RIMS2: variants seen among roughly 807,000 people sequenced by gnomAD.
RIMS2 encodes the protein regulating synaptic membrane exocytosis protein 2.
RIMS2 carries 59 observed loss-of-function variants against 174.4 expected under a neutral mutation model. The ratio of observed to expected loss-of-function variants is 0.34; its 90% CI spans 0.27 to 0.42. The LOEUF (loss-of-function observed/expected upper bound fraction) is 0.42. Among genes scored for constraint, RIMS2 ranks in the 10% least tolerant of loss-of-function variants. The probability of loss-of-function intolerance (pLI) is 1.00; values close to 1 mark genes in which losing one functional copy is unlikely to be tolerated. For synonymous variants in RIMS2, 606 were observed against 572.5 expected, an observed-to-expected ratio of 1.06 and a Z score of -0.84; for missense variants, 1,620 against 1,666.3, an observed-to-expected ratio of 0.97 and a Z score of 0.48.
chr8:104,033,116 CT>C (rs2096436186), intron 19 of RIMS2, among the ~76,000 whole-genome samples: 1 of 151,650 alleles, frequency 6.6e-6, no homozygotes, highest in Admixed American at 6.6e-5. Flanking sequence ...AAAACAGTAC[CT>C]ACTGAAAATG....
intron 19 of RIMS2, among the ~76,000 whole-genome samples, chr8:104,227,672 G>A (rs186516280): frequency 2.0e-5 from 3 of 152,290 alleles, no homozygotes; most frequent in African/African-American, 7.2e-5. Context: ...CTCTGGGTTA[G>A]TGATTCTTGT....
At chr8:104,163,502 C>T (rs1257343616) in intron 19 of RIMS2, among the ~76,000 whole-genome samples, 1 of 152,130 alleles carries the variant, frequency 6.6e-6, no homozygotes, top group African/African-American at 2.4e-5. Context: ...AGGATACTAA[C>T]CTACTATGGC....
rs150344253 is a variant in RIMS2 at position 104,250,941 on chromosome 8, C to G, written c.3692-83C>G. 8.1e-4 allele frequency: 999 copies of G among 1,236,870 alleles called. No individual in the cohort carries two copies. In the African/African-American group the frequency reaches 0.013, roughly 16 times the overall value. The allele number at this position is 1,236,870 out of a possible 1,614,324, so 76.6% of individuals were successfully genotyped here. A position where few individuals can be genotyped will look rare whatever the true frequency, so the allele number is the denominator to read the frequency against. On this transcript the variant is annotated intron_variant, in intron 22 of 23. Transcript: ENST00000504942. ...TGCTAGCTCTTTCAGCCAAAGATTA[C>G]TAAACTGGTAAATGTCACCGTGCGT...
chr8:104,035,508 T>G (rs936536227), intron 19 of RIMS2, among the ~76,000 whole-genome samples: 2 of 146,244 alleles, frequency 1.4e-5, no homozygotes, highest in South Asian at 2.2e-4. Context: ...TGTAGGTAGG[T>G]TTTTTTTTTT....
intron 1 of RIMS2, among the ~76,000 whole-genome samples, chr8:103,532,542 CA>C (rs1248025186): frequency 1.3e-5 from 2 of 152,158 alleles, no homozygotes; most frequent in Non-Finnish European, 2.9e-5. Context: ...TTTAAAAAGT[CA>C]AAAGGATACG....
chr8:103,886,108 A>G, exon 4 of RIMS2: 1 of 1,613,068 alleles, frequency 6.2e-7, no homozygotes, highest in Non-Finnish European at 8.5e-7. Context: ...AATCAAAGAA[A>G]GGCGGTAAAA....
chr8:103,788,212 T>G (rs1364979360), intron 3 of RIMS2, among the ~76,000 whole-genome samples: 1 of 150,742 alleles, frequency 6.6e-6, no homozygotes, highest in Non-Finnish European at 1.5e-5. Context: ...TGCCTTTGGT[T>G]TGAATGTCCT....
intron 19 of RIMS2, among the ~76,000 whole-genome samples, chr8:104,128,396 C>T (rs1438093211): frequency 6.6e-6 from 1 of 152,108 alleles, no homozygotes; most frequent in Non-Finnish European, 1.5e-5. Context: ...AATTAAGATA[C>T]ATAAAAATAA....
At chr8:103,610,807 C>T (rs1303522688) in intron 1 of RIMS2, among the ~76,000 whole-genome samples, 2 of 152,090 alleles carry the variant, frequency 1.3e-5, no homozygotes, top group Non-Finnish European at 2.9e-5. Context: ...CATGTGTCTG[C>T]CATGTTTTGG....
chr8:103,905,779 T>C (rs1565225959), intron 4 of RIMS2, among the ~76,000 whole-genome samples: 1 of 151,020 alleles, frequency 6.6e-6, no homozygotes, highest in African/African-American at 2.4e-5. Flanking sequence ...TCTTTTCTTT[T>C]TTTTTTTTTT....
intron 19 of RIMS2, among the ~76,000 whole-genome samples, chr8:104,205,822 C>A (rs147229651): frequency 0.014 from 2,168 of 150,512 alleles, 54 homozygotes; most frequent in African/African-American, 0.05. Flanking sequence ...GTGACATGAT[C>A]TCGGCTCATT....
intron 19 of RIMS2, among the ~76,000 whole-genome samples, chr8:104,080,268 A>G (rs901482191): frequency 6.6e-6 from 1 of 152,114 alleles, no homozygotes; most frequent in Admixed American, 6.5e-5. Flanking sequence ...CAGCATTGAA[A>G]AGACCACTAT....
intron 1 of RIMS2, among the ~76,000 whole-genome samples, chr8:103,644,831 A>G (rs984523235): frequency 6.6e-6 from 1 of 151,892 alleles, no homozygotes; most frequent in African/African-American, 2.4e-5. Context: ...GTTTTCTAGT[A>G]AAGATTTTGA....
chr8:104,094,427 C>T, intron 19 of RIMS2: 2 of 586,262 alleles, frequency 3.4e-6, no homozygotes, highest in Non-Finnish European at 6.1e-6. Flanking sequence ...TCTTGACTTT[C>T]TTTTTTTGTG....
chr8:103,630,316 C>G (rs1231640422), intron 1 of RIMS2, among the ~76,000 whole-genome samples: 1 of 151,884 alleles, frequency 6.6e-6, no homozygotes, highest in South Asian at 2.1e-4. Flanking sequence ...AATGCTGTAA[C>G]AAAAGTACTA....
At chr8:103,991,801 C>T (rs2094717734) in intron 17 of RIMS2, among the ~76,000 whole-genome samples, 1 of 151,996 alleles carries the variant, frequency 6.6e-6, no homozygotes, top group Non-Finnish European at 1.5e-5. Flanking sequence ...CAGGATTTAA[C>T]CTCTTGCTAC....
chr8:104,069,039 C>T (rs2097152424), intron 19 of RIMS2, among the ~76,000 whole-genome samples: 1 of 152,090 alleles, frequency 6.6e-6, no homozygotes, highest in African/African-American at 2.4e-5. Context: ...AAGTTTTTGA[C>T]TTTAGGGTAG....
chr8:103,836,467 C>A (rs1047289675), intron 3 of RIMS2, among the ~76,000 whole-genome samples: 1 of 152,100 alleles, frequency 6.6e-6, no homozygotes, highest in African/African-American at 2.4e-5. Flanking sequence ...GAGGCGGATG[C>A]AGGAGGATCA....
At chr8:103,819,487 G>A (rs79393780) in intron 3 of RIMS2, 1 of 1,610,042 alleles carries the variant, frequency 6.2e-7, no homozygotes. Context: ...AATAAGAGAA[G>A]GGGAAAAAAA....
Sources: gnomAD v4.1 joint callset for allele counts (sites outside exome capture counted in the v4.1 genomes callset) on GRCh38, gnomAD v4.1.1 for gene constraint, MANE v1.5 for transcripts, NCBI Gene and HGNC (gene_info 2026-07-23, HGNC 2026-07-21) for gene names.